Variants in SLC44A5 observed in about 807,000 individuals in gnomAD.
SLC44A5 encodes solute carrier family 44 member 5, also known as choline transporter-like protein 5.
A neutral mutation model predicts 101.8 loss-of-function variants in SLC44A5; 57 were observed. That is an observed-to-expected ratio of 0.56 (90% CI 0.45 to 0.70). SLC44A5 has a LOEUF of 0.70. Among genes scored for constraint, SLC44A5 ranks in the 30% least tolerant of loss-of-function variants. The probability of loss-of-function intolerance (pLI) is 0.00; values close to 1 mark genes in which losing one functional copy is unlikely to be tolerated. For synonymous variants in SLC44A5, 281 were observed against 290.9 expected, an observed-to-expected ratio of 0.97 and a Z score of 0.35; for missense variants, 737 against 853.1, an observed-to-expected ratio of 0.86 and a Z score of 1.70.
chr1:75,335,176 T>C (rs891420342), intron 4 of SLC44A5, among the ~76,000 whole-genome samples: 2 of 152,196 alleles, frequency 1.3e-5, no homozygotes, highest in Non-Finnish European at 2.9e-5. Flanking sequence ...GTTCTCTAAA[T>C]GCTTGAATAA....
chr1:75,270,407 G>A (rs925121357), intron 6 of SLC44A5, among the ~76,000 whole-genome samples: 1 of 152,030 alleles, frequency 6.6e-6, no homozygotes, highest in African/African-American at 2.4e-5. Flanking sequence ...TTTAGTAATT[G>A]TTTTAGAAAT....
intron 2 of SLC44A5, among the ~76,000 whole-genome samples, chr1:75,471,001 T>C (rs923000179): frequency 2.0e-5 from 3 of 152,096 alleles, no homozygotes; most frequent in Non-Finnish European, 4.4e-5. Context: ...ATTTTGGGGG[T>C]AAATGAAAAA....
chr1:75,421,011 T>A (rs1009246589), intron 2 of SLC44A5, among the ~76,000 whole-genome samples: 1 of 152,016 alleles, frequency 6.6e-6, no homozygotes, highest in Non-Finnish European at 1.5e-5. Flanking sequence ...TAGGAAATAA[T>A]CTCTTTGGAA....
At chr1:75,245,783 AC>A (rs1472750271) in intron 7 of SLC44A5, among the ~76,000 whole-genome samples, 1 of 152,164 alleles carries the variant, frequency 6.6e-6, no homozygotes, top group Non-Finnish European at 1.5e-5. Context: ...CTGTTAAAAA[AC>A]AATACAACTG....
At chr1:75,305,733 T>A (rs776567426) in intron 4 of SLC44A5, among the ~76,000 whole-genome samples, 2 of 152,242 alleles carry the variant, frequency 1.3e-5, no homozygotes, top group Non-Finnish European at 2.9e-5. Flanking sequence ...TTCCCTAGAA[T>A]AACCGTTAAC....
At chr1:75,372,517 T>G (rs1017440673) in intron 3 of SLC44A5, among the ~76,000 whole-genome samples, 8 of 133,702 alleles carry the variant, frequency 6.0e-5, no homozygotes, top group African/African-American at 2.4e-4. Flanking sequence ...AACTAGCAAT[T>G]CTAAAGACAT....
chr1:75,524,048 C>T (rs1670287383), intron 2 of SLC44A5, among the ~76,000 whole-genome samples: 1 of 152,178 alleles, frequency 6.6e-6, no homozygotes, highest in East Asian at 1.9e-4. Context: ...TATGTTTCCA[C>T]CCACATCTCA....
the SLC44A5 span, among the ~76,000 whole-genome samples, chr1:75,683,759 CAAATAAAT>C: frequency 1.6e-4 from 10 of 63,218 alleles, no homozygotes; most frequent in African/African-American, 3.6e-4. Flanking sequence ...AGTATAATAA[CAAATAAAT>C]AAATAAATAA....
At chr1:75,259,961 T>G (rs1650350879) in intron 6 of SLC44A5, among the ~76,000 whole-genome samples, 2 of 152,104 alleles carry the variant, frequency 1.3e-5, no homozygotes, top group African/African-American at 4.8e-5. Flanking sequence ...AATAAAATCT[T>G]TACAATAAGC....
At chr1:75,367,205 C>T (rs1659918062) in intron 3 of SLC44A5, among the ~76,000 whole-genome samples, 2 of 152,104 alleles carry the variant, frequency 1.3e-5, no homozygotes, top group East Asian at 3.9e-4. Context: ...CTGTTAGGTC[C>T]CCAGGATAAT....
the SLC44A5 span, among the ~76,000 whole-genome samples, chr1:75,660,181 C>G: frequency 6.6e-6 from 1 of 151,940 alleles, no homozygotes; most frequent in Non-Finnish European, 1.5e-5. Context: ...TCTATCTAGC[C>G]TGGGCAACAG....
the SLC44A5 span, among the ~76,000 whole-genome samples, chr1:75,676,711 G>A: frequency 2.0e-5 from 3 of 152,006 alleles, no homozygotes; most frequent in African/African-American, 7.3e-5. Flanking sequence ...TTTATTTAAA[G>A]GTATAGTAAC....
chr1:75,327,655 A>T (rs533397873), intron 4 of SLC44A5, among the ~76,000 whole-genome samples: 75 of 152,326 alleles, frequency 4.9e-4, no homozygotes, highest in Middle Eastern at 6.8e-3. Flanking sequence ...CCCTTATTTA[A>T]CCAACCCAAC....
rs60026692 is a variant in SLC44A5, at chr1:75,457,856, C to CA, written c.14-61236dup. On this transcript the variant is annotated intron_variant, in intron 2 of 23. Transcript: ENST00000370859. The stretch of plus-strand genomic sequence containing the variant: ...TGGGCAACAGAGTGAGACTCCATCT[C>CA]AAAAAAAAAAAAAAGTTCACTGAGG... Among the ~76,000 whole-genome samples the CA allele has an allele frequency of 4.9e-3, 610 of 124,054 alleles. 4 individuals carry two copies. The highest frequency in any genetic ancestry group is 8.8e-3 in the East Asian group (39 of 4,412). The allele number at this position is 124,054 out of a possible 152,430, so 81.4% of individuals were successfully genotyped here.
chr1:75,297,805 C>CTCCA (rs1654083912), intron 5 of SLC44A5, among the ~76,000 whole-genome samples: 2 of 152,176 alleles, frequency 1.3e-5, no homozygotes, highest in Non-Finnish European at 2.9e-5. Context: ...TCTACCCAGA[C>CTCCA]GCCACTTCAT....
At chr1:75,700,923 C>T in the SLC44A5 span, among the ~76,000 whole-genome samples, 1 of 152,120 alleles carries the variant, frequency 6.6e-6, no homozygotes, top group Non-Finnish European at 1.5e-5. Context: ...TAGATAAATT[C>T]CTGGAGACAT....
At chr1:75,574,401 G>C (rs1570649524) in intron 1 of SLC44A5, among the ~76,000 whole-genome samples, 2 of 152,288 alleles carry the variant, frequency 1.3e-5, no homozygotes, top group African/African-American at 4.8e-5. Flanking sequence ...CTAAATTTGG[G>C]ATGTTATCTT....
intron 23 of SLC44A5, chr1:75,206,804 G>T: frequency 1.4e-6 from 1 of 713,806 alleles, no homozygotes; most frequent in Non-Finnish European, 2.4e-6. Context: ...GTCGAACAGG[G>T]AAAAATCAGA....
At chr1:75,684,567 A>G in the SLC44A5 span, among the ~76,000 whole-genome samples, 6 of 152,188 alleles carry the variant, frequency 3.9e-5, no homozygotes, top group African/African-American at 1.4e-4. Flanking sequence ...AAAATAAAGG[A>G]GCTACAGGCC....
Sources: gnomAD v4.1 joint callset for allele counts (sites outside exome capture counted in the v4.1 genomes callset) on GRCh38, gnomAD v4.1.1 for gene constraint, MANE v1.5 for transcripts, NCBI Gene and HGNC (gene_info 2026-07-23, HGNC 2026-07-21) for gene names.